The following TCF7L1 variants were observed in gnomAD, a reference collection of about 807,000 sequenced individuals.
TCF7L1 encodes transcription factor 7-like 1.
A neutral mutation model predicts 63.7 loss-of-function variants in TCF7L1; 18 were observed. The observed-to-expected ratio is 0.28, with a 90% confidence interval of 0.20 to 0.42. The LOEUF (loss-of-function observed/expected upper bound fraction) is 0.42, where lower values mean the gene tolerates loss of function less well. TCF7L1 is among the 10% of genes least tolerant of loss of function. The probability of loss-of-function intolerance (pLI) is 1.00; values close to 1 mark genes in which losing one functional copy is unlikely to be tolerated. For synonymous variants in TCF7L1, 355 were observed against 340.9 expected (o/e 1.04, Z -0.46); for missense variants, 654 against 779.3 (o/e 0.84, Z 1.91).
chr2:85,185,807 G>T (rs1678906788), intron 3 of TCF7L1, among the ~76,000 whole-genome samples: 1 of 152,072 alleles, frequency 6.6e-6, no homozygotes, highest in East Asian at 1.9e-4. Context: ...GTCAGAACTG[G>T]GAGGGCCCTC....
chr2:85,175,000 T>C (rs1242199042), intron 3 of TCF7L1, among the ~76,000 whole-genome samples: 1 of 152,252 alleles, frequency 6.6e-6, no homozygotes, highest in African/African-American at 2.4e-5. Flanking sequence ...GTCTTTGATA[T>C]CGTTGATTTG....
chr2:85,149,638 C>T (rs570905797), intron 3 of TCF7L1, among the ~76,000 whole-genome samples: 2 of 152,246 alleles, frequency 1.3e-5, no homozygotes, highest in South Asian at 4.2e-4. Flanking sequence ...CATTCTCCCA[C>T]CTCAGCCTCC....
At chr2:85,262,488 G>C (rs561066357) in intron 3 of TCF7L1, among the ~76,000 whole-genome samples, 1 of 152,252 alleles carries the variant, frequency 6.6e-6, no homozygotes, top group East Asian at 1.9e-4. Flanking sequence ...AAGCCAAGCA[G>C]AATATGGAGA....
intron 3 of TCF7L1, among the ~76,000 whole-genome samples, chr2:85,259,615 G>A (rs1260791355): frequency 6.6e-6 from 1 of 152,118 alleles, no homozygotes; most frequent in Non-Finnish European, 1.5e-5. Context: ...GAGAGCCGTG[G>A]GATAATGGAG....
chr2:85,257,440 C>T (rs1056294382), intron 3 of TCF7L1, among the ~76,000 whole-genome samples: 6 of 152,214 alleles, frequency 3.9e-5, no homozygotes, highest in South Asian at 2.1e-4. Flanking sequence ...GCTCCCACAC[C>T]GCTGTTTGGA....
intron 3 of TCF7L1, among the ~76,000 whole-genome samples, chr2:85,183,396 A>G (rs959793038): frequency 6.6e-6 from 1 of 152,104 alleles, no homozygotes. Flanking sequence ...TCCAAGCTTT[A>G]TATCCTAGGC....
At chr2:85,251,387 G>A (rs1340825662) in intron 3 of TCF7L1, among the ~76,000 whole-genome samples, 1 of 152,158 alleles carries the variant, frequency 6.6e-6, no homozygotes, top group Non-Finnish European at 1.5e-5. Context: ...GAAATAAAAA[G>A]CCTTTGCCTT....
intron 3 of TCF7L1, among the ~76,000 whole-genome samples, chr2:85,189,420 G>A (rs888879525): frequency 1.3e-5 from 2 of 152,218 alleles, no homozygotes; most frequent in Non-Finnish European, 2.9e-5. Flanking sequence ...GCCCTTCAGG[G>A]CCTTTGGCTC....
chr2:85,191,987 G>A (rs1679045426), intron 3 of TCF7L1, among the ~76,000 whole-genome samples: 1 of 152,152 alleles, frequency 6.6e-6, no homozygotes, highest in Non-Finnish European at 1.5e-5. Context: ...TTTGCAGCAT[G>A]GAACTTAGTG....
intron 3 of TCF7L1, among the ~76,000 whole-genome samples, chr2:85,138,894 G>A (rs963620669): frequency 3.9e-5 from 6 of 152,062 alleles, no homozygotes; most frequent in Admixed American, 3.9e-4. Flanking sequence ...TGATTAACTC[G>A]CTGGAAAATC....
At chr2:85,255,462 A>G (rs1680692579) in intron 3 of TCF7L1, among the ~76,000 whole-genome samples, 2 of 152,150 alleles carry the variant, frequency 1.3e-5, no homozygotes, top group Non-Finnish European at 2.9e-5. Flanking sequence ...AATCATGTCT[A>G]CAAGCTGCTT....
At chr2:85,256,673 G>C (rs1299678414) in intron 3 of TCF7L1, among the ~76,000 whole-genome samples, 1 of 152,140 alleles carries the variant, frequency 6.6e-6, no homozygotes, top group Non-Finnish European at 1.5e-5. Flanking sequence ...TCTACATCTT[G>C]ATCTAGGCTG....
intron 3 of TCF7L1, among the ~76,000 whole-genome samples, chr2:85,278,570 A>G (rs1277547213): frequency 6.6e-6 from 1 of 152,230 alleles, no homozygotes; most frequent in East Asian, 1.9e-4. Flanking sequence ...AAACCACATG[A>G]CCATTTTGGT....
At chr2:85,248,526 C>T (rs1680520358) in intron 3 of TCF7L1, among the ~76,000 whole-genome samples, 1 of 152,176 alleles carries the variant, frequency 6.6e-6, no homozygotes. Context: ...TTTTGCTAGC[C>T]TTCCCGTCCC....
At chr2:85,298,932 G>A (rs1320275165) in intron 4 of TCF7L1, among the ~76,000 whole-genome samples, 1 of 151,880 alleles carries the variant, frequency 6.6e-6, no homozygotes. Context: ...CTTCCCTCCC[G>A]GTTCATTTTC....
chr2:85,237,778 A>AG (rs1680227404), intron 3 of TCF7L1, among the ~76,000 whole-genome samples: 1 of 4,292 alleles, frequency 2.3e-4, no homozygotes, highest in African/African-American at 9.0e-4. Context: ...AGAAGGAGGG[A>AG]GGGGGCTGGT....
chr2:85,261,733 A>T (rs2104346973), intron 3 of TCF7L1, among the ~76,000 whole-genome samples: 1 of 152,176 alleles, frequency 6.6e-6, no homozygotes, highest in South Asian at 2.1e-4. Flanking sequence ...TGTTAAAAAA[A>T]AAAATTAGCT....
At chr2:85,254,982 G>A (rs995002801) in intron 3 of TCF7L1, among the ~76,000 whole-genome samples, 1 of 152,228 alleles carries the variant, frequency 6.6e-6, no homozygotes, top group African/African-American at 2.4e-5. Flanking sequence ...GCAACTGGCT[G>A]TCTTGAGAGG....
intron 4 of TCF7L1, among the ~76,000 whole-genome samples, chr2:85,287,627 T>C (rs1681594064): frequency 6.6e-6 from 1 of 152,226 alleles, no homozygotes; most frequent in Admixed American, 6.5e-5. Context: ...TATATTACCG[T>C]AGTCTATATT....
Sources: gnomAD v4.1 joint callset for allele counts (sites outside exome capture counted in the v4.1 genomes callset) on GRCh38, gnomAD v4.1.1 for gene constraint, MANE v1.5 for transcripts, NCBI Gene and HGNC (gene_info 2026-07-23, HGNC 2026-07-21) for gene names.